The following ALAS2 variants were observed in gnomAD, a reference collection of about 807,000 sequenced individuals.
The protein encoded by ALAS2 is 5-aminolevulinate synthase, erythroid-specific, mitochondrial.
ALAS2 carries 3 observed loss-of-function variants against 33.7 expected under a neutral mutation model. The ratio of observed to expected loss-of-function variants is 0.09; its 90% CI spans 0.04 to 0.23. The LOEUF is 0.23. Among genes scored for constraint, ALAS2 ranks in the 10% least tolerant of loss-of-function variants. ALAS2 has a pLI of 1.00. For synonymous variants in ALAS2, 191 were observed against 177.3 expected, an observed-to-expected ratio of 1.08 and a Z score of -0.61; for missense variants, 304 against 475.1, an observed-to-expected ratio of 0.64 and a Z score of 3.35.
chrX:55,010,479 G>C (rs1289455559), intron 10 of ALAS2, among the ~76,000 whole-genome samples: 1 of 110,862 alleles, frequency 9.0e-6, no homozygotes, highest in Non-Finnish European at 1.9e-5. Flanking sequence ...CAATTTTTCT[G>C]TCTCCCACTT....
rs201740830 is a variant in ALAS2 at position 55,015,684 on chromosome X, G to C, written c.1062C>G (p.Thr354=). ...CTACAGCATGGACCTCATCCACGAAGGTCAGGGCCCCATACTGGTGGGACA... is the reference window on the plus strand; with the variant it reads ...CTACAGCATGGACCTCATCCACGAACGTCAGGGCCCCATACTGGTGGGACA... ...CDVSHQYGAL[T]FVDEVHAVGL... is the part of the protein sequence containing the mutation. The change falls in exon 8 of 11, where the codon ACC becomes ACG. Residue 354 remains threonine, a synonymous_variant. Coordinates refer to ENST00000650242, the MANE Select transcript of ALAS2 (RefSeq NM_000032.5). 8.2e-5 allele frequency: 99 copies of C among 1,208,916 alleles called. No individual in the cohort carries two copies. In the East Asian group the frequency reaches 2.7e-3, roughly 33 times the overall value.
intron 1 of ALAS2, among the ~76,000 whole-genome samples, 154 bp downstream of exon 1, chrX:55,030,788 A>G (rs1480485051): frequency 1.8e-5 from 2 of 111,515 alleles, no homozygotes; most frequent in Non-Finnish European, 3.8e-5. Flanking sequence ...AGAAAGAGAC[A>G]TGGGAGATAA....
In ALAS2 at chrX:55,013,625, G is replaced by C; in HGVS notation, c.1461C>G (p.Ser487Arg). ...TGGAGAGCAGGAGATCACAGAGCTTGCTGTTGAGTGCTGCATTGCCCACCT... is the reference window on the plus strand; with the variant it reads ...TGGAGAGCAGGAGATCACAGAGCTTCCTGTTGAGTGCTGCATTGCCCACCT... ...PIRVGNAALN[S>R]KLCDLLLSKH... The change falls in exon 10 of 11, where the codon AGC becomes AGG. Residue 487 changes from serine to arginine, a missense_variant. Transcript: ENST00000650242. 1 of 1,211,587 alleles carries C rather than the reference G, an allele frequency of 8.3e-7. No homozygotes were observed.
chrX:55,012,540 G>A (rs766949826), intron 10 of ALAS2, among the ~76,000 whole-genome samples: 1 of 112,775 alleles, frequency 8.9e-6, no homozygotes, highest in Non-Finnish European at 1.9e-5. Context: ...TGTAATCCCA[G>A]CACTTTGGGA....
At chrX:55,009,411 C>A in intron 10 of ALAS2, 68 bp from the exon 11 acceptor site, 1 of 1,058,845 alleles carries the variant, frequency 9.4e-7, no homozygotes. Context: ...TGTCACAGTA[C>A]AGATGAGCCA....
chrX:55,027,316 C>G (rs760653517), intron 1 of ALAS2, among the ~76,000 whole-genome samples: 13 of 109,348 alleles, frequency 1.2e-4, no homozygotes, highest in South Asian at 8.1e-4. Context: ...AGAATCATGG[C>G]CCTAATTGAG....
At chrX:55,019,942 G>T (rs1330266103) in intron 6 of ALAS2, among the ~76,000 whole-genome samples, 1 of 111,866 alleles carries the variant, frequency 8.9e-6, no homozygotes, top group African/African-American at 3.3e-5. Context: ...TAAGATGTGA[G>T]GTTATTTGCT....
chrX:55,020,316 T>C lies in ALAS2; in HGVS notation c.823+4A>G. 2 of 1,207,984 alleles carry C rather than the reference T, an allele frequency of 1.7e-6. 1 individual carries two copies. Among genetic ancestry groups the C allele is most frequent in the South Asian group, 3.6e-5 (2 of 55,761 alleles). Reference sequence around the variant, plus strand: ...CCTGAACAAAGCTCAGGCCTCAGGCTTACCTGGCAGGATCTTGGCCAAGGT... The same window carrying C: ...CCTGAACAAAGCTCAGGCCTCAGGCCTACCTGGCAGGATCTTGGCCAAGGT... On this transcript the variant is annotated splice_donor_region_variant and intron_variant, in intron 6 of 10. Transcript: ENST00000650242.
intron 10 of ALAS2, among the ~76,000 whole-genome samples, chrX:55,009,813 G>A (rs1935570745): frequency 8.9e-6 from 1 of 111,884 alleles, no homozygotes; most frequent in African/African-American, 3.3e-5. Flanking sequence ...CCAGGGCTCT[G>A]TTCTTGGCCT....
chrX:55,027,816 ACAG>A, intron 1 of ALAS2: 2 of 1,210,136 alleles, frequency 1.7e-6, no homozygotes, highest in Non-Finnish European at 2.2e-6. Flanking sequence ...ATGGGCTGTC[ACAG>A]CAGCCTGGGT....
chrX:55,027,844 A>G lies in ALAS2; in HGVS notation c.-15-1829T>C. ...GCAGCCTGGGTTGGTATGTGGGGCCAAGGCATGTGGGCCCTGAAATTGGAA... is the reference window on the plus strand; with the variant it reads ...GCAGCCTGGGTTGGTATGTGGGGCCGAGGCATGTGGGCCCTGAAATTGGAA... On this transcript the variant is annotated intron_variant, in intron 1 of 10. Coordinates refer to ENST00000650242, the MANE Select transcript of ALAS2 (RefSeq NM_000032.5). 8.7e-7 allele frequency: 1 copy of G among 1,150,557 alleles called. No homozygotes were observed. The highest frequency in any genetic ancestry group is 1.2e-6 in the Non-Finnish European group (1 of 839,413). The allele number at this position is 1,150,557 out of a possible 1,213,427, so 94.8% of individuals were successfully genotyped here.
chrX:55,014,483 A>G (rs1479570152), intron 9 of ALAS2, among the ~76,000 whole-genome samples: 3 of 110,772 alleles, frequency 2.7e-5, no homozygotes, highest in African/African-American at 9.9e-5. Context: ...AGTTTGAAAA[A>G]CTCTGAATTA....
Position 55,025,975 on chromosome X carries a change from T to G in ALAS2, c.26A>C (p.Gln9Pro), listed in dbSNP as rs367690019. The G allele has an allele frequency of 1.7e-6, 2 of 1,211,216 alleles. No individual in the cohort carries two copies. Among genetic ancestry groups the G allele is most frequent in the Non-Finnish European group, 2.2e-6 (2 of 895,344 alleles). The stretch of plus-strand genomic sequence containing the variant: ...GCCCCGGGCAAGCACTGGGCAGCAC[T>G]GTAGCAGCATGGCTGCAGTCACCAT... MVTAAMLLQCCPVLARGPT... is the reference protein window; with the variant it reads MVTAAMLLPCCPVLARGPT... The change falls in exon 2 of 11, where the codon CAG becomes CCG. Residue 9 changes from glutamine to proline, a missense_variant. Physicochemically the swap from Gln to Pro is moderately conservative, Grantham distance 76. This residue lies in a region of ALAS2 where 71 missense variants were observed against 82.8 expected (regional missense o/e 0.86). Coordinates refer to ENST00000650242, the MANE Select transcript of ALAS2 (RefSeq NM_000032.5).
rs756030126 is a variant in ALAS2, at chrX:55,027,800, C to T, written c.-15-1785G>A. 2.5e-6 allele frequency: 3 copies of T among 1,211,521 alleles called. No individual in the cohort carries two copies. The South Asian group carries it at 5.3e-5, about 21-fold the overall frequency. ...GTTCCATCCCAGAGCAACCTCTCCC[C>T]CTCTCATGGGCTGTCACAGCAGCCT... On this transcript the variant is annotated intron_variant, in intron 1 of 10. Transcript: ENST00000650242.
intron 1 of ALAS2, among the ~76,000 whole-genome samples, chrX:55,028,659 C>G (rs1471543719): frequency 1.8e-5 from 2 of 111,530 alleles, no homozygotes; most frequent in Admixed American, 1.9e-4. Context: ...AGCTCCTGTT[C>G]TCATTTCTCT....
chrX:55,013,871 G>C (rs1935650399), intron 9 of ALAS2, among the ~76,000 whole-genome samples: 3 of 110,955 alleles, frequency 2.7e-5, no homozygotes, highest in African/African-American at 9.9e-5. Flanking sequence ...GGTACCAGGA[G>C]CCCTGTTTGG....
chrX:55,013,800 A>G, intron 9 of ALAS2, 152 bp from the exon 10 acceptor site: 1 of 636,367 alleles, frequency 1.6e-6, no homozygotes, highest in South Asian at 2.5e-5. Flanking sequence ...GCAGCTCCAG[A>G]ATTTCTATCA....
intron 9 of ALAS2, 58 bp from the exon 10 acceptor site, chrX:55,013,706 T>C: frequency 8.5e-7 from 1 of 1,173,489 alleles, no homozygotes. Flanking sequence ...CATCACTAGC[T>C]CCATTAAGCA....
At chrX:55,014,409 T>C (rs1384003630) in intron 9 of ALAS2, among the ~76,000 whole-genome samples, 4 of 111,980 alleles carry the variant, frequency 3.6e-5, no homozygotes, top group African/African-American at 1.3e-4. Context: ...CTGTTTCTTT[T>C]CTTTTTTTAA....
Sources: gnomAD v4.1 joint callset for allele counts (sites outside exome capture counted in the v4.1 genomes callset) on GRCh38, gnomAD v4.1.1 for gene constraint, gnomAD v4.1.1 regional missense constraint, MANE v1.5 for transcripts, NCBI Gene and HGNC (gene_info 2026-07-23, HGNC 2026-07-21) for gene names.